LSM4: variants seen among roughly 807,000 people sequenced by gnomAD.
The protein encoded by LSM4 is LSM4 homolog, U6 small nuclear RNA and mRNA degradation associated, also known as U6 snRNA-associated Sm-like protein LSm4.
A neutral mutation model predicts 22.3 loss-of-function variants in LSM4; 15 were observed. The observed-to-expected ratio is 0.67, with a 90% CI of 0.45 to 1.03. The LOEUF is 1.03. Ranked by LOEUF, LSM4 falls within the 50% of genes least tolerant of loss-of-function variation. LSM4 has a pLI of 0.00. For synonymous variants in LSM4, 90 were observed against 79.8 expected, an observed-to-expected ratio of 1.13 and a Z score of -0.68; for missense variants, 127 against 198.0, an observed-to-expected ratio of 0.64 and a Z score of 2.15.
rs879253231 is a variant in LSM4 at position 18,309,511 on chromosome 19, C to CG, written c.328+166dup. The CG allele has an allele frequency of 2.1e-5, 14 of 674,242 alleles. 1 individual carries two copies. In the South Asian group the frequency reaches 2.7e-4, roughly 13 times the overall value. 41.8% of individuals were successfully genotyped at this position (674,242 alleles called of 1,614,324 possible). The stretch of plus-strand genomic sequence containing the variant: ...GAGAGGAGGGCTGAGTCCCAGGTCT[C>CG]GGGGCTCCTCTGCCTGGGCCTCGGC... On this transcript the variant is annotated intron_variant, in intron 4 of 4. Transcript: ENST00000593829.
intron 1 of LSM4, among the ~76,000 whole-genome samples, chr19:18,319,635 G>A (rs1970402490): frequency 6.6e-6 from 1 of 152,182 alleles, no homozygotes; most frequent in African/African-American, 2.4e-5. Context: ...CCTCAGGCCC[G>A]CTATAGAGTC....
chr19:18,321,265 G>A lies in LSM4; in HGVS notation c.3+1753C>T, dbSNP rs190518611. Among the ~76,000 whole-genome samples, 141 of 152,288 alleles carry A rather than the reference G, an allele frequency of 9.3e-4. 1 individual carries two copies. The highest frequency in any genetic ancestry group is 1.7e-3 in the Non-Finnish European group (119 of 68,032). On this transcript the variant is annotated intron_variant, in intron 1 of 4. Transcript: ENST00000593829. The stretch of plus-strand genomic sequence containing the variant: ...CCTGCTCCCACAAAACTTAACACAG[G>A]GATGGATCCTTCCAGCTCTGCCCAG...
intron 4 of LSM4, among the ~76,000 whole-genome samples, chr19:18,308,137 G>A (rs1054793553): frequency 6.6e-6 from 1 of 152,206 alleles, no homozygotes; most frequent in Non-Finnish European, 1.5e-5. Flanking sequence ...CCTGAGGTGG[G>A]AGCATGTGGC....
At chr19:18,307,914 C>A (rs537508610) in intron 4 of LSM4, among the ~76,000 whole-genome samples, 1 of 151,664 alleles carries the variant, frequency 6.6e-6, no homozygotes, top group East Asian at 1.9e-4. Context: ...GGAGCAGAGA[C>A]CAGGGCAGTA....
intron 1 of LSM4, chr19:18,316,275 A>G: frequency 4.2e-6 from 2 of 475,846 alleles, no homozygotes; most frequent in South Asian, 5.5e-5. Context: ...GAAAAGCCTC[A>G]CACACCCTCC....
At chr19:18,309,302 A>T (rs1270176408) in intron 4 of LSM4, 1 of 221,626 alleles carries the variant, frequency 4.5e-6, no homozygotes, top group Admixed American at 5.8e-5. Context: ...AACAAATGGA[A>T]TTTTATGCCA....
chr19:18,320,460 G>C (rs1568300379), intron 1 of LSM4, among the ~76,000 whole-genome samples: 1 of 151,970 alleles, frequency 6.6e-6, no homozygotes, highest in Non-Finnish European at 1.5e-5. Context: ...TAGTGATTGT[G>C]CCACTGCACT....
In LSM4 at chr19:18,307,567, A is replaced by T; in HGVS notation, c.329-12T>A. 1 of 1,495,766 alleles carries T rather than the reference A, an allele frequency of 6.7e-7. No individual in the cohort carries two copies. The highest frequency in any genetic ancestry group is 2.7e-5 in the East Asian group (1 of 36,930). 92.7% of individuals were successfully genotyped at this position (1,495,766 alleles called of 1,614,324 possible). ...GCCACCAAACACACCTAGAGGACAG[A>T]GAGAGGGCGCTGCAGCAGAGCCAGG... On this transcript the variant is annotated splice_polypyrimidine_tract_variant and intron_variant, in intron 4 of 4. Coordinates refer to ENST00000593829, the MANE Select transcript of LSM4 (RefSeq NM_012321.5).
chr19:18,321,993 C>T (rs574232039), intron 1 of LSM4, among the ~76,000 whole-genome samples: 1 of 152,292 alleles, frequency 6.6e-6, no homozygotes, highest in Non-Finnish European at 1.5e-5. Context: ...CTCTGGTCTC[C>T]TGCATAGCTG....
chr19:18,312,368 G>T, intron 3 of LSM4: 1 of 492,182 alleles, frequency 2.0e-6, no homozygotes, highest in East Asian at 3.8e-5. Flanking sequence ...CCAGGTCAGG[G>T]GTGGCACCAA....
chr19:18,316,711 C>A (rs1197312669), intron 1 of LSM4, among the ~76,000 whole-genome samples: 1 of 152,074 alleles, frequency 6.6e-6, no homozygotes, highest in Non-Finnish European at 1.5e-5. Context: ...TGAGGTTACT[C>A]TGAGTATGGA....
intron 3 of LSM4, among the ~76,000 whole-genome samples, chr19:18,311,548 G>A (rs1267205043): frequency 2.0e-5 from 3 of 152,146 alleles, no homozygotes; most frequent in Admixed American, 6.5e-5. Context: ...GCTCACGCAC[G>A]CAACACGCCT....
chr19:18,315,578 G>C (rs1028888958), intron 2 of LSM4, among the ~76,000 whole-genome samples: 1 of 152,096 alleles, frequency 6.6e-6, no homozygotes, highest in African/African-American at 2.4e-5. Flanking sequence ...GTTTCACTCT[G>C]TCGCTCAGAC....
intron 1 of LSM4, among the ~76,000 whole-genome samples, chr19:18,318,441 G>A (rs1259683815): frequency 6.6e-6 from 1 of 152,250 alleles, no homozygotes; most frequent in Admixed American, 6.5e-5. Context: ...CGGGGCAGCT[G>A]CTAGGAGAGG....
At position 18,309,815 on chromosome 19, in the gene LSM4, C is replaced by G; in HGVS notation, c.191G>C (p.Ser64Thr). The G allele has an allele frequency of 6.2e-7, 1 of 1,613,856 alleles. No homozygotes were observed. Among genetic ancestry groups the G allele is most frequent in the South Asian group, 1.1e-5 (1 of 91,064 alleles). The change falls in exon 4 of 5, where the codon AGC becomes ACC. Residue 64 changes from serine (S) to threonine (T), a missense_variant. Transcript: ENST00000593829. Reference protein sequence around the residue: ...WRMPECYIRGSTIKYLRIPDE... With the variant: ...WRMPECYIRGTTIKYLRIPDE... ...GGGGATGCGCAGGTACTTGATGGTG[C>G]TGCCGCGGATGTAGCACTCGGGCAT...
intron 1 of LSM4, among the ~76,000 whole-genome samples, chr19:18,322,021 C>T (rs927684703): frequency 6.6e-6 from 1 of 152,210 alleles, no homozygotes; most frequent in African/African-American, 2.4e-5. Flanking sequence ...GTGAAATACT[C>T]TTTCTCCACT....
intron 1 of LSM4, among the ~76,000 whole-genome samples, chr19:18,316,427 C>T (rs1970357741): frequency 6.6e-6 from 1 of 151,106 alleles, no homozygotes; most frequent in Non-Finnish European, 1.5e-5. Flanking sequence ...CTGCAACCTC[C>T]ACCTCCCGTG....
chr19:18,311,821 G>A (rs16995488), intron 3 of LSM4, among the ~76,000 whole-genome samples: 11,119 of 152,182 alleles, frequency 0.073, 472 homozygotes, highest in Non-Finnish European at 0.084. Context: ...GGCAAGATAC[G>A]GCCACTTCAG....
At chr19:18,312,331 A>C in intron 3 of LSM4, 1 of 406,712 alleles carries the variant, frequency 2.5e-6, no homozygotes, top group South Asian at 2.6e-5. Flanking sequence ...AGCCTGAGCC[A>C]CAGGGAGTCC....
Sources: gnomAD v4.1 joint callset for allele counts (sites outside exome capture counted in the v4.1 genomes callset) on GRCh38, gnomAD v4.1.1 for gene constraint, MANE v1.5 for transcripts, NCBI Gene and HGNC (gene_info 2026-07-23, HGNC 2026-07-21) for gene names.